FZD3: variants seen among roughly 807,000 people sequenced by gnomAD.
The protein encoded by FZD3 is frizzled class receptor 3, also known as frizzled-3.
A neutral mutation model predicts 60.7 loss-of-function variants in FZD3; 30 were observed. The ratio of observed to expected loss-of-function variants is 0.49; its 90% confidence interval spans 0.37 to 0.67. FZD3 has a LOEUF of 0.67. Ranked by LOEUF, FZD3 falls within the 30% of genes least tolerant of loss-of-function variation. The pLI is 0.00. For synonymous variants in FZD3, 246 were observed against 275.2 expected (o/e 0.89, Z 1.05); for missense variants, 605 against 838.7 (o/e 0.72, Z 3.44).
chr8:28,557,617 A>G (rs1805535937), intron 7 of FZD3, among the ~76,000 whole-genome samples: 2 of 152,058 alleles, frequency 1.3e-5, no homozygotes, highest in Admixed American at 1.3e-4. Context: ...TCCTGGCTAG[A>G]TTTTTGAAAT....
At chr8:28,509,159 CTT>C (rs1298678712) in intron 3 of FZD3, among the ~76,000 whole-genome samples, 4 of 151,934 alleles carry the variant, frequency 2.6e-5, no homozygotes, top group African/African-American at 7.2e-5. Flanking sequence ...TGAGGAATGA[CTT>C]TAATTTTTTA....
At position 28,572,679 on chromosome 8, in the gene FZD3, C is replaced by G. The variant is rs1347438943; in HGVS notation, c.*9668C>G. On this transcript the variant is annotated 3_prime_UTR_variant, in exon 8 of 8. Coordinates refer to ENST00000240093, the MANE Select transcript of FZD3 (RefSeq NM_017412.4). ...TTCCCCCTCACATCTAATGTGGACT[C>G]AAATTTTGGCAACTGGAATGTTATC... 1 of 152,112 alleles carries G rather than the reference C, an allele frequency of 6.6e-6. No homozygotes were observed. The highest frequency in any genetic ancestry group is 1.5e-5 in the Non-Finnish European group (1 of 68,004). 9.4% of individuals were successfully genotyped at this position (152,112 alleles called of 1,614,324 possible).
At chr8:28,541,364 G>A (rs1360696560) in intron 5 of FZD3, among the ~76,000 whole-genome samples, 1 of 152,204 alleles carries the variant, frequency 6.6e-6, no homozygotes, top group Non-Finnish European at 1.5e-5. Flanking sequence ...AATGCAAAAT[G>A]TTCTGTGTTA....
chr8:28,512,154 G>A (rs1223773594), intron 3 of FZD3, among the ~76,000 whole-genome samples: 2 of 152,050 alleles, frequency 1.3e-5, no homozygotes, highest in Non-Finnish European at 1.5e-5. Flanking sequence ...AGGGGACAGA[G>A]TGTCAAAGTG....
intron 7 of FZD3, among the ~76,000 whole-genome samples, chr8:28,557,224 A>AAAAAAG (rs1554540358): frequency 7.5e-6 from 1 of 133,930 alleles, no homozygotes; most frequent in African/African-American, 2.8e-5. Flanking sequence ...AAAAAAAAAA[A>AAAAAAG]AAGAAGAAGA....
intron 3 of FZD3, among the ~76,000 whole-genome samples, chr8:28,516,341 C>T (rs1179186039): frequency 2.6e-5 from 4 of 152,098 alleles, no homozygotes; most frequent in Non-Finnish European, 5.9e-5. Flanking sequence ...ATGCGTACTC[C>T]AATTGGTTCT....
In FZD3 at chr8:28,568,508, A is replaced by G. The variant is rs1805745391; in HGVS notation, c.*5497A>G. The G allele has an allele frequency of 6.6e-6, 1 of 152,100 alleles. No homozygotes were observed. The highest frequency in any genetic ancestry group is 1.5e-5 in the Non-Finnish European group (1 of 67,976). The allele number at this position is 152,100 out of a possible 1,614,324, so 9.4% of individuals were successfully genotyped here. A position where few individuals can be genotyped will look rare whatever the true frequency, so the allele number is the denominator to read the frequency against. ...TCTTTAGTCATCAAATTGATATAGG[A>G]TTACAATTTTCTCTCAGGATCCAAG... On this transcript the variant is annotated 3_prime_UTR_variant, in exon 8 of 8. Transcript: ENST00000240093.
chr8:28,536,483 G>A (rs569377439), intron 5 of FZD3, among the ~76,000 whole-genome samples: 32 of 152,278 alleles, frequency 2.1e-4, no homozygotes, highest in Non-Finnish European at 3.8e-4. Flanking sequence ...CAAGGAGGGT[G>A]GATCACCTGA....
rs1340090730 is a variant in FZD3 at position 28,569,123 on chromosome 8, A to G, written c.*6112A>G. ...TTGTAGCTTTAAGGTTTTTTGTTGT[A>G]TAAGTCAGCTTGTTTGTATATGCTA... is the stretch of plus-strand genomic sequence containing the variant. On this transcript the variant is annotated 3_prime_UTR_variant, in exon 8 of 8. Coordinates refer to ENST00000240093, the MANE Select transcript of FZD3 (RefSeq NM_017412.4). 5.3e-5 allele frequency: 8 copies of G among 150,376 alleles called. No individual in the cohort carries two copies. Among genetic ancestry groups the G allele is most frequent in the Non-Finnish European group, 1.2e-4 (8 of 67,688 alleles). 9.3% of individuals were successfully genotyped at this position (150,376 alleles called of 1,614,324 possible).
At chr8:28,561,665 T>A (rs962390613) in intron 7 of FZD3, among the ~76,000 whole-genome samples, 2 of 152,060 alleles carry the variant, frequency 1.3e-5, no homozygotes. Flanking sequence ...TAATTAAAGT[T>A]ATAAATTATA....
At chr8:28,538,225 T>C (rs1805070543) in intron 5 of FZD3, among the ~76,000 whole-genome samples, 1 of 151,768 alleles carries the variant, frequency 6.6e-6, no homozygotes, top group Non-Finnish European at 1.5e-5. Context: ...AATAAACACA[T>C]GTAAATAAGA....
intron 4 of FZD3, among the ~76,000 whole-genome samples, chr8:28,525,077 C>T (rs745789573): frequency 1.3e-5 from 2 of 152,108 alleles, no homozygotes; most frequent in Non-Finnish European, 2.9e-5. Flanking sequence ...TTGCCCCGCT[C>T]AAGTCTGTCT....
intron 3 of FZD3, among the ~76,000 whole-genome samples, chr8:28,517,555 C>G (rs1202797912): frequency 6.6e-6 from 1 of 152,158 alleles, no homozygotes; most frequent in East Asian, 1.9e-4. Flanking sequence ...TTTGAGATTG[C>G]ATTTACATGT....
In FZD3 at chr8:28,521,763, G is replaced by C. The variant is rs369356680; in HGVS notation, c.386+929G>C. Among the ~76,000 whole-genome samples the C allele has an allele frequency of 9.9e-5, 15 of 152,244 alleles. 1 individual carries two copies. In the East Asian group the frequency reaches 1.9e-3, roughly 20 times the overall value. ...TTTGTACCTGTAACCTGTAGGTCTA[G>C]TACATTCCTTTTAATTGCCGTGTAG... On this transcript the variant is annotated intron_variant, in intron 4 of 7. Transcript: ENST00000240093.
intron 3 of FZD3, among the ~76,000 whole-genome samples, chr8:28,508,024 T>G (rs7844545): frequency 0.57 from 87,014 of 151,874 alleles, 25,125 homozygotes; most frequent in East Asian, 0.65. Context: ...CCAAAGTAGG[T>G]TCTACAGGTA....
Position 28,528,182 on chromosome 8 carries a change from AC to A in FZD3, c.1404+19del, listed in dbSNP as rs752336388. ...CATATCAGGTAAGGGAAACCTTGTTACAAATTTCAGAATATATGATAATGAA... is the reference window on the plus strand; with the variant it reads ...CATATCAGGTAAGGGAAACCTTGTTAAAATTTCAGAATATATGATAATGAA... On this transcript the variant is annotated intron_variant, in intron 5 of 7. Transcript: ENST00000240093. 1 of 1,568,146 alleles carries A rather than the reference AC, an allele frequency of 6.4e-7. No individual in the cohort carries two copies. The highest frequency in any genetic ancestry group is 8.7e-7 in the Non-Finnish European group (1 of 1,153,734).
intron 5 of FZD3, among the ~76,000 whole-genome samples, chr8:28,544,798 A>G (rs751714080): frequency 7.2e-5 from 11 of 152,172 alleles, no homozygotes; most frequent in Non-Finnish European, 1.3e-4. Context: ...TGAGTGAAAC[A>G]GAATACCTGA....
Position 28,564,201 on chromosome 8 carries a change from TA to T in FZD3, c.*1196del, listed in dbSNP as rs890063209. ...CTTAGTATGAATATCATTTAATCTTTAAAAAATCAAGTAAAAATGTTTATCT... is the reference window on the plus strand; with the variant it reads ...CTTAGTATGAATATCATTTAATCTTTAAAAATCAAGTAAAAATGTTTATCT... On this transcript the variant is annotated 3_prime_UTR_variant, in exon 8 of 8. Coordinates refer to ENST00000240093, the MANE Select transcript of FZD3 (RefSeq NM_017412.4). 1.3e-5 allele frequency: 2 copies of T among 152,498 alleles called. No homozygotes were observed. Among genetic ancestry groups the T allele is most frequent in the African/African-American group, 4.8e-5 (2 of 41,426 alleles). The allele number at this position is 152,498 out of a possible 1,614,324, so 9.4% of individuals were successfully genotyped here. A position where few individuals can be genotyped will look rare whatever the true frequency, so the allele number is the denominator to read the frequency against.
intron 7 of FZD3, among the ~76,000 whole-genome samples, chr8:28,561,599 T>TA (rs5890425): frequency 0.53 from 78,563 of 147,568 alleles, 21,120 homozygotes; most frequent in South Asian, 0.63. Flanking sequence ...GATGACTGTT[T>TA]AAAAAAAAAA....
Sources: gnomAD v4.1 joint callset for allele counts (sites outside exome capture counted in the v4.1 genomes callset) on GRCh38, gnomAD v4.1.1 for gene constraint, MANE v1.5 for transcripts, NCBI Gene and HGNC (gene_info 2026-07-23, HGNC 2026-07-21) for gene names.